The following LIMS4 variants were observed in gnomAD, a reference collection of about 807,000 sequenced individuals.
LIMS4 encodes LIM and senescent cell antigen-like-containing domain protein 4.
the LIMS4 span, chr2:110,361,937 G>A: frequency 4.9e-6 from 7 of 1,430,996 alleles, no homozygotes; most frequent in Non-Finnish European, 6.8e-6. Context: ...CTTCAGAGCA[G>A]CCACATCAGA....
the LIMS4 span, among the ~76,000 whole-genome samples, chr2:110,392,117 T>G: frequency 6.6e-6 from 1 of 152,110 alleles, no homozygotes; most frequent in Non-Finnish European, 1.5e-5. Context: ...TCTATTTTCT[T>G]TTCAATTTAA....
At chr2:110,367,854 G>T in the LIMS4 span, among the ~76,000 whole-genome samples, 3 of 139,586 alleles carry the variant, frequency 2.1e-5, no homozygotes, top group Non-Finnish European at 4.5e-5. Context: ...CCACACTCCA[G>T]CATAAGGGAC....
At chr2:110,397,056 G>T in the LIMS4 span, among the ~76,000 whole-genome samples, 2 of 8,946 alleles carry the variant, frequency 2.2e-4, no homozygotes, top group Non-Finnish European at 5.5e-4. Context: ...GCCTCCAAGG[G>T]TTTTGAGGCC....
chr2:110,373,326 C>A, the LIMS4 span, among the ~76,000 whole-genome samples: 2 of 71,874 alleles, frequency 2.8e-5, no homozygotes, highest in Non-Finnish European at 4.9e-5. Context: ...GAGAAGCTGC[C>A]CTAGTACCAG....
the LIMS4 span, among the ~76,000 whole-genome samples, chr2:110,365,938 A>T: frequency 2.7e-5 from 4 of 150,390 alleles, no homozygotes; most frequent in Admixed American, 1.3e-4. Flanking sequence ...ATGTGGAAAA[A>T]TTCCTGAAAA....
chr2:110,367,823 C>T, the LIMS4 span, among the ~76,000 whole-genome samples: 4 of 139,410 alleles, frequency 2.9e-5, no homozygotes, highest in Admixed American at 6.9e-5. Context: ...GTGGAGATTG[C>T]AGTGAGTCAA....
At chr2:110,425,130 A>G in the LIMS4 span, among the ~76,000 whole-genome samples, 4 of 143,114 alleles carry the variant, frequency 2.8e-5, no homozygotes, top group South Asian at 6.4e-4. Flanking sequence ...CTCGAAGACC[A>G]GGAACCCACC....
chr2:110,379,089 T>C, the LIMS4 span, among the ~76,000 whole-genome samples: 2 of 147,804 alleles, frequency 1.4e-5, no homozygotes, highest in Non-Finnish European at 3.0e-5. Context: ...AAAGTTGGAG[T>C]AGGCTAAATT....
At chr2:110,396,190 C>T in the LIMS4 span, among the ~76,000 whole-genome samples, 1 of 83,410 alleles carries the variant, frequency 1.2e-5, no homozygotes, top group South Asian at 5.2e-4. Context: ...CCACAGAGAC[C>T]AGCCCATAGC....
the LIMS4 span, chr2:110,362,216 A>T: frequency 7.7e-3 from 9,611 of 1,250,900 alleles, 25 homozygotes; most frequent in Non-Finnish European, 9.0e-3. Flanking sequence ...TTACACTCCA[A>T]ACATTTTAGA....
the LIMS4 span, among the ~76,000 whole-genome samples, chr2:110,426,878 T>C: frequency 7.5e-6 from 1 of 133,768 alleles, no homozygotes; most frequent in Admixed American, 7.3e-5. Context: ...CTGGATCAAA[T>C]GGTAGTTGTA....
intron 8 of LIMS4, among the ~76,000 whole-genome samples, chr2:110,447,420 TG>T (rs1352472712): frequency 8.5e-5 from 2 of 23,580 alleles, no homozygotes; most frequent in Non-Finnish European, 2.1e-4. Flanking sequence ...CCTGAGTAGC[TG>T]GGACTACAGT....
the LIMS4 span, among the ~76,000 whole-genome samples, chr2:110,425,652 G>A: frequency 3.5e-5 from 5 of 142,526 alleles, no homozygotes; most frequent in Admixed American, 3.4e-4. Context: ...GGAGACATTT[G>A]AAGCTTATGA....
chr2:110,425,198 C>T, the LIMS4 span, among the ~76,000 whole-genome samples: 17 of 143,176 alleles, frequency 1.2e-4, 4 homozygotes, highest in African/African-American at 4.9e-4. Flanking sequence ...TTGATACCTG[C>T]CTAGGCAACA....
At chr2:110,454,050 AC>A (rs1392325636) in intron 5 of LIMS4, among the ~76,000 whole-genome samples, 1 of 22,436 alleles carries the variant, frequency 4.5e-5, no homozygotes, top group African/African-American at 2.4e-4. Context: ...CAGAGATAAG[AC>A]CTTTTTTTGT....
the LIMS4 span, among the ~76,000 whole-genome samples, chr2:110,378,668 C>G: frequency 2.4e-5 from 1 of 41,134 alleles, no homozygotes; most frequent in South Asian, 8.8e-4. Context: ...TGTCAAGTCT[C>G]CACCCCAGAA....
At chr2:110,422,478 T>C in the LIMS4 span, among the ~76,000 whole-genome samples, 1 of 121,466 alleles carries the variant, frequency 8.2e-6, no homozygotes, top group Admixed American at 7.4e-5. Flanking sequence ...GCACCAGAGC[T>C]TTTTTTTTTT....
At chr2:110,386,746 C>T in the LIMS4 span, 2 of 799,022 alleles carry the variant, frequency 2.5e-6, no homozygotes, top group Admixed American at 2.0e-5. Context: ...CAGGGCAGCA[C>T]AGAGGGTCCA....
the LIMS4 span, chr2:110,386,682 C>G: frequency 1.3e-6 from 1 of 746,112 alleles, no homozygotes. Context: ...CCTGCAGCTC[C>G]CGCCACAGGA....
Sources: allele counts gnomAD v4.1 joint callset (sites outside exome capture counted in the v4.1 genomes callset), GRCh38; gene constraint gnomAD v4.1.1; transcripts MANE v1.5; gene names NCBI Gene and HGNC (gene_info 2026-07-23, HGNC 2026-07-21).